Variants in LIPA observed in about 807,000 individuals in gnomAD.
LIPA encodes the protein lysosomal acid lipase/cholesteryl ester hydrolase.
LIPA carries 26 observed loss-of-function variants against 40.6 expected under a neutral mutation model. The ratio of observed to expected loss-of-function variants is 0.64; its 90% CI spans 0.47 to 0.89. LIPA has a LOEUF of 0.89. Among genes scored for constraint, LIPA ranks in the 40% least tolerant of loss-of-function variants. The probability of loss-of-function intolerance (pLI) is 0.00; values close to 1 mark genes in which losing one functional copy is unlikely to be tolerated. For synonymous variants in LIPA, 188 were observed against 168.4 expected (o/e 1.12, Z -0.90); for missense variants, 455 against 479.6 (o/e 0.95, Z 0.48).
intron 8 of LIPA, among the ~76,000 whole-genome samples, chr10:89,219,822 C>G (rs780549211): frequency 6.6e-6 from 1 of 152,248 alleles, no homozygotes; most frequent in Non-Finnish European, 1.5e-5. Context: ...ATTTTACTGA[C>G]AAAAGATGGT....
At chr10:89,324,100 G>A (rs887798339) in intron 1 of LIPA, among the ~76,000 whole-genome samples, 26 of 152,104 alleles carry the variant, frequency 1.7e-4, no homozygotes, top group African/African-American at 6.0e-4. Flanking sequence ...GAACAGAATA[G>A]AGAGCCCATG....
chr10:89,370,519 C>A (rs1363377913), intron 2 of LIPA, among the ~76,000 whole-genome samples: 1 of 152,062 alleles, frequency 6.6e-6, no homozygotes, highest in Admixed American at 6.5e-5. Flanking sequence ...CAGGTGTGAG[C>A]CACCCAACCC....
chr10:89,369,214 G>T (rs114667824), intron 2 of LIPA, among the ~76,000 whole-genome samples: 2,480 of 152,252 alleles, frequency 0.016, 31 homozygotes, highest in African/African-American at 0.039. Context: ...TCCAAGCTCA[G>T]GGAAGAGAAA....
intron 2 of LIPA, chr10:89,404,585 A>G (rs1295270364): frequency 6.6e-6 from 1 of 152,186 alleles, no homozygotes; most frequent in Admixed American, 6.5e-5. Flanking sequence ...CACCAACCAT[A>G]AAACTTCTGT....
At chr10:89,349,124 A>G (rs1843942842) in intron 2 of LIPA, among the ~76,000 whole-genome samples, 1 of 152,220 alleles carries the variant, frequency 6.6e-6, no homozygotes, top group Admixed American at 6.5e-5. Flanking sequence ...ACCCTCCAAA[A>G]GGAACTCAGA....
intron 1 of LIPA, among the ~76,000 whole-genome samples, chr10:89,249,440 C>A (rs1470041516): frequency 6.6e-6 from 1 of 152,132 alleles, no homozygotes; most frequent in Non-Finnish European, 1.5e-5. Context: ...TATGCCCATA[C>A]AAAGACTTGT....
At chr10:89,280,452 G>A (rs1045892153) in intron 1 of LIPA, among the ~76,000 whole-genome samples, 8 of 152,130 alleles carry the variant, frequency 5.3e-5, no homozygotes, top group African/African-American at 1.7e-4. Flanking sequence ...CTCGCCTGGC[G>A]TTAAACACAG....
intron 3 of LIPA, among the ~76,000 whole-genome samples, chr10:89,241,394 GC>G (rs1842963165): frequency 6.6e-6 from 1 of 152,156 alleles, no homozygotes; most frequent in Admixed American, 6.5e-5. Flanking sequence ...TGTCTGTTCG[GC>G]ACCACCAGGG....
In LIPA at chr10:89,328,304, TG is replaced by T. The variant is rs536061811; in HGVS notation, c.-2+14306del. Among the ~76,000 whole-genome samples, 5 of 152,158 alleles carry T rather than the reference TG, an allele frequency of 3.3e-5. No individual in the cohort carries two copies. In the East Asian group the frequency reaches 7.7e-4, roughly 23 times the overall value. On this transcript the variant is annotated intron_variant, in intron 1 of 5. Coordinates refer to the LIPA transcript ENST00000282673. The stretch of plus-strand genomic sequence containing the variant: ...TGGAATGGTTCCCTACGGAACTACA[TG>T]GGGGGAGGCAGGGTGGGGAATGCAT...
At chr10:89,351,188 T>C (rs1041889547) in intron 2 of LIPA, among the ~76,000 whole-genome samples, 11 of 152,120 alleles carry the variant, frequency 7.2e-5, no homozygotes, top group African/African-American at 2.4e-4. Flanking sequence ...TGGTGGCACA[T>C]GCCTGTAGTC....
intron 2 of LIPA, chr10:89,402,902 T>C: frequency 6.2e-7 from 1 of 1,614,240 alleles, no homozygotes; most frequent in Non-Finnish European, 8.5e-7. Flanking sequence ...TAAGGCAGGC[T>C]GTCCGCTTAA....
intron 1 of LIPA, among the ~76,000 whole-genome samples, chr10:89,264,806 C>A (rs1253855204): frequency 6.6e-6 from 1 of 152,202 alleles, no homozygotes; most frequent in Non-Finnish European, 1.5e-5. Context: ...ATAGGTTGGC[C>A]CCCAGGCTTC....
intron 2 of LIPA, among the ~76,000 whole-genome samples, chr10:89,373,618 CA>C (rs954628371): frequency 2.6e-5 from 4 of 152,168 alleles, no homozygotes; most frequent in African/African-American, 9.6e-5. Context: ...TTAAGGTGCA[CA>C]AGGGGAAACC....
At chr10:89,351,578 A>G (rs1843958902) in intron 2 of LIPA, among the ~76,000 whole-genome samples, 1 of 152,188 alleles carries the variant, frequency 6.6e-6, no homozygotes, top group African/African-American at 2.4e-5. Flanking sequence ...ACCACCTAAC[A>G]ACAGGCAGCC....
intron 2 of LIPA, among the ~76,000 whole-genome samples, chr10:89,363,901 C>G (rs1844040612): frequency 6.6e-6 from 1 of 151,758 alleles, no homozygotes; most frequent in Non-Finnish European, 1.5e-5. Context: ...TTGCTTAAAT[C>G]TGATGAGGAG....
chr10:89,305,530 A>C (rs1322388203), intron 1 of LIPA, among the ~76,000 whole-genome samples: 1 of 152,186 alleles, frequency 6.6e-6, no homozygotes, highest in Non-Finnish European at 1.5e-5. Flanking sequence ...TAAAAGAATA[A>C]AAAATTATAA....
chr10:89,381,993 C>A (rs940536843), intron 2 of LIPA, among the ~76,000 whole-genome samples: 1 of 152,082 alleles, frequency 6.6e-6, no homozygotes, highest in Admixed American at 6.5e-5. Flanking sequence ...TAGTTTTGAA[C>A]TCCTGAGCTC....
chr10:89,366,769 A>T (rs1484145615), intron 2 of LIPA, among the ~76,000 whole-genome samples: 1 of 152,250 alleles, frequency 6.6e-6, no homozygotes. Context: ...CAGTGTGGCC[A>T]TTCCTCAAGG....
chr10:89,339,781 G>C (rs768758976), intron 1 of LIPA: 1 of 1,614,182 alleles, frequency 6.2e-7, no homozygotes, highest in Admixed American at 1.7e-5. Flanking sequence ...GAAGTCTGAA[G>C]ACACTGCTGT....
Sources: gnomAD v4.1 joint callset for allele counts (sites outside exome capture counted in the v4.1 genomes callset) on GRCh38, gnomAD v4.1.1 for gene constraint, MANE v1.5 for transcripts, NCBI Gene and HGNC (gene_info 2026-07-23, HGNC 2026-07-21) for gene names.